ALCAM: variants seen among roughly 807,000 people sequenced by gnomAD.
ALCAM encodes the protein CD166 antigen.
A neutral mutation model predicts 70.9 loss-of-function variants in ALCAM; 30 were observed. The ratio of observed to expected loss-of-function variants is 0.42; its 90% confidence interval spans 0.32 to 0.57. The LOEUF (loss-of-function observed/expected upper bound fraction) is 0.57, where lower values mean the gene tolerates loss of function less well. ALCAM is among the 20% of genes least tolerant of loss of function. The pLI, the probability that ALCAM is intolerant of heterozygous loss-of-function variation, is 0.11. For synonymous variants in ALCAM, 249 were observed against 242.5 expected, an observed-to-expected ratio of 1.03 and a Z score of -0.25; for missense variants, 591 against 695.1, an observed-to-expected ratio of 0.85 and a Z score of 1.68.
At chr3:105,445,739 C>T (rs1464050229) in intron 1 of ALCAM, among the ~76,000 whole-genome samples, 1 of 152,122 alleles carries the variant, frequency 6.6e-6, no homozygotes, top group Non-Finnish European at 1.5e-5. Context: ...AAAGGACAGT[C>T]TTTCAATAAT....
chr3:105,471,875 A>C (rs1250798896), intron 1 of ALCAM, among the ~76,000 whole-genome samples: 1 of 151,310 alleles, frequency 6.6e-6, no homozygotes, highest in African/African-American at 2.4e-5. Flanking sequence ...CCCATGCTGT[A>C]CAACAGATCT....
chr3:105,375,692 A>G (rs1935356064), intron 1 of ALCAM, among the ~76,000 whole-genome samples: 1 of 152,226 alleles, frequency 6.6e-6, no homozygotes, highest in Non-Finnish European at 1.5e-5. Flanking sequence ...CTTTTGCAGC[A>G]AATTGTACAA....
rs1253674074 is a variant in ALCAM, at chr3:105,524,405, T to G, written c.291T>G (p.Thr97=). Residue 97 remains threonine, a synonymous_variant, in exon 3 of 16, where the codon ACT becomes ACG. Coordinates refer to ENST00000306107, the MANE Select transcript of ALCAM (RefSeq NM_001627.4). The part of the protein sequence containing the change: ...KDRLNLSENY[T]LSISNARISD... ...GATTGAACCTCTCAGAAAACTACAC[T>G]TTGTCTATCAGTAATGCAAGGATCA... The G allele has an allele frequency of 2.5e-6, 4 of 1,614,166 alleles. No homozygotes were observed. In the South Asian group the frequency reaches 4.4e-5, roughly 18 times the overall value.
intron 1 of ALCAM, among the ~76,000 whole-genome samples, chr3:105,424,430 A>G (rs1053801302): frequency 5.5e-4 from 83 of 151,730 alleles, no homozygotes; most frequent in Non-Finnish European, 1.3e-4. Flanking sequence ...ATGACAGGAC[A>G]TTTCAGGCAA....
At chr3:105,562,453 G>A (rs1366001202) in intron 14 of ALCAM, among the ~76,000 whole-genome samples, 1 of 152,080 alleles carries the variant, frequency 6.6e-6, no homozygotes, top group African/African-American at 2.4e-5. Context: ...ATTGTTGAAT[G>A]GTAAGCCAGT....
chr3:105,557,431 G>C (rs1025567485), intron 14 of ALCAM, among the ~76,000 whole-genome samples: 1 of 152,074 alleles, frequency 6.6e-6, no homozygotes, highest in Non-Finnish European at 1.5e-5. Context: ...CTCTTCTGCT[G>C]CATGTGACCT....
chr3:105,418,881 AT>A (rs1424524061), intron 1 of ALCAM, among the ~76,000 whole-genome samples: 1 of 151,738 alleles, frequency 6.6e-6, no homozygotes, highest in Admixed American at 6.6e-5. Flanking sequence ...ACCCCAAAAC[AT>A]TTCACCGAAT....
intron 1 of ALCAM, among the ~76,000 whole-genome samples, chr3:105,370,559 G>A (rs1191661515): frequency 6.6e-6 from 1 of 152,046 alleles, no homozygotes; most frequent in East Asian, 1.9e-4. Flanking sequence ...ATTTAGGCAG[G>A]CAGAGTCATT....
At chr3:105,429,618 C>A (rs1477569356) in intron 1 of ALCAM, among the ~76,000 whole-genome samples, 1 of 151,932 alleles carries the variant, frequency 6.6e-6, no homozygotes, top group African/African-American at 2.4e-5. Flanking sequence ...TACCTTTAAT[C>A]TTCTCCAGAG....
intron 1 of ALCAM, among the ~76,000 whole-genome samples, chr3:105,378,177 G>C (rs1008144949): frequency 4.0e-5 from 6 of 151,774 alleles, no homozygotes; most frequent in Non-Finnish European, 8.8e-5. Context: ...ATTAAGGAAA[G>C]TAGGAATAAA....
chr3:105,472,572 A>C (rs2152603858), intron 1 of ALCAM, among the ~76,000 whole-genome samples: 1 of 151,670 alleles, frequency 6.6e-6, no homozygotes, highest in South Asian at 2.1e-4. Flanking sequence ...ACAAAGAAAA[A>C]CAATGTGACA....
intron 1 of ALCAM, among the ~76,000 whole-genome samples, chr3:105,385,186 A>G (rs1457004567): frequency 2.0e-5 from 3 of 151,672 alleles, no homozygotes; most frequent in African/African-American, 4.8e-5. Flanking sequence ...CCATGGAAAT[A>G]GAATCTAGGG....
chr3:105,552,960 G>T, intron 14 of ALCAM: 1 of 1,028,756 alleles, frequency 9.7e-7, no homozygotes, highest in East Asian at 8.8e-5. Context: ...TGTAGGGACT[G>T]CCAGGTGTCT....
At chr3:105,390,430 C>CT (rs1350140388) in intron 1 of ALCAM, among the ~76,000 whole-genome samples, 3 of 151,966 alleles carry the variant, frequency 2.0e-5, no homozygotes, top group Admixed American at 2.0e-4. Context: ...CCTTTGCCCA[C>CT]TTTTTAATGG....
intron 1 of ALCAM, among the ~76,000 whole-genome samples, chr3:105,400,360 T>A (rs1488393964): frequency 6.6e-6 from 1 of 152,138 alleles, no homozygotes; most frequent in Non-Finnish European, 1.5e-5. Flanking sequence ...AACTTATAAA[T>A]AATAAGCAGA....
chr3:105,389,777 C>T (rs1342383635), intron 1 of ALCAM, among the ~76,000 whole-genome samples: 1 of 151,200 alleles, frequency 6.6e-6, no homozygotes, highest in Non-Finnish European at 1.5e-5. Flanking sequence ...TGTTGTCCCC[C>T]TCCCTGTGTC....
In ALCAM at chr3:105,432,229, A is replaced by G. The variant is rs548409319; in HGVS notation, c.73+64748A>G. On this transcript the variant is annotated intron_variant, in intron 1 of 15. Coordinates refer to ENST00000306107, the MANE Select transcript of ALCAM (RefSeq NM_001627.4). ...TTTCGTTTTAGGGTTTGTTTAAATTAAGCTTTAAGAATTCATGCATATCAA... is the reference window on the plus strand; with the variant it reads ...TTTCGTTTTAGGGTTTGTTTAAATTGAGCTTTAAGAATTCATGCATATCAA... 3.9e-5 allele frequency among the ~76,000 whole-genome samples: 6 copies of G among 152,294 alleles called. No homozygotes were observed. The South Asian group carries it at 1.2e-3, about 32-fold the overall frequency.
rs1319598617 is a variant in ALCAM, at chr3:105,576,719, A to AAAAGAATTCCAAATCCT, written c.*2269_*2285dup. 1.3e-5 allele frequency: 2 copies of AAAAGAATTCCAAATCCT among 152,228 alleles called. No individual in the cohort carries two copies. The highest frequency in any genetic ancestry group is 2.9e-5 in the Non-Finnish European group (2 of 68,040). 9.4% of individuals were successfully genotyped at this position (152,228 alleles called of 1,614,324 possible). A position where few individuals can be genotyped will look rare whatever the true frequency, so the allele number is the denominator to read the frequency against. On this transcript the variant is annotated 3_prime_UTR_variant, in exon 16 of 16. Coordinates refer to ENST00000306107, the MANE Select transcript of ALCAM (RefSeq NM_001627.4). ...CACATGCACGAAGATGCTAAGAAGAAAAAGAATTCCAAATCCTCAACTTTT... is the reference window on the plus strand; with the variant it reads ...CACATGCACGAAGATGCTAAGAAGAAAAAGAATTCCAAATCCTAAAGAATTCCAAATCCTCAACTTTT...
chr3:105,445,723 G>A (rs537964911), intron 1 of ALCAM, among the ~76,000 whole-genome samples: 14 of 152,218 alleles, frequency 9.2e-5, no homozygotes, highest in Admixed American at 7.2e-4. Context: ...AAGTATACAC[G>A]TGAAGAAAGG....
Sources: allele counts gnomAD v4.1 joint callset (sites outside exome capture counted in the v4.1 genomes callset), GRCh38; gene constraint gnomAD v4.1.1; transcripts MANE v1.5; gene names NCBI Gene and HGNC (gene_info 2026-07-23, HGNC 2026-07-21).